Variants in PHTF2 observed in about 807,000 individuals in gnomAD.
PHTF2 encodes putative homeodomain transcription factor 2.
In PHTF2, 60 loss-of-function variants were observed where a neutral mutation model predicts 101.2. The observed-to-expected ratio is 0.59, with a 90% CI of 0.48 to 0.73. The LOEUF (loss-of-function observed/expected upper bound fraction) is 0.73. Ranked by LOEUF, PHTF2 falls within the 30% of genes least tolerant of loss-of-function variation. PHTF2 has a pLI of 0.00. For missense variants in PHTF2, 747 were observed against 908.7 expected, an observed-to-expected ratio of 0.82 and a Z score of 2.29; for synonymous variants, 311 against 307.3, an observed-to-expected ratio of 1.01 and a Z score of -0.13.
intron 1 of PHTF2, among the ~76,000 whole-genome samples, chr7:77,838,325 T>G (rs1393219820): frequency 6.6e-6 from 1 of 152,156 alleles, no homozygotes; most frequent in East Asian, 1.9e-4. Flanking sequence ...GACTGAGAAA[T>G]TAAGTGGAGG....
intron 16 of PHTF2, among the ~76,000 whole-genome samples, chr7:77,944,272 T>C (rs1241512296): frequency 6.6e-6 from 1 of 152,190 alleles, no homozygotes; most frequent in Non-Finnish European, 1.5e-5. Flanking sequence ...TTGACCTGTG[T>C]ACCTCCCTAC....
intron 3 of PHTF2, among the ~76,000 whole-genome samples, chr7:77,880,642 T>C (rs999546912): frequency 6.6e-6 from 1 of 152,054 alleles, no homozygotes; most frequent in African/African-American, 2.4e-5. Context: ...CCCGCTTGGA[T>C]TGATACCCCA....
chr7:77,851,638 A>G lies in PHTF2; in HGVS notation c.46-3095A>G, dbSNP rs1363717750. On this transcript the variant is annotated intron_variant, in intron 2 of 19. Coordinates refer to ENST00000416283, the Ensembl canonical transcript of PHTF2. ...TTTTGGAGACAGATCTCACTGTGTT[A>G]TGCAGGCTGGTCTTGAACTACTGAG... Among the ~76,000 whole-genome samples the G allele has an allele frequency of 4.4e-5, 6 of 136,492 alleles. No homozygotes were observed. The East Asian group carries it at 1.3e-3, about 29-fold the overall frequency. 89.5% of individuals were successfully genotyped at this position (136,492 alleles called of 152,430 possible).
chr7:77,902,415 A>G (rs1440232177), intron 7 of PHTF2, among the ~76,000 whole-genome samples: 2 of 152,162 alleles, frequency 1.3e-5, no homozygotes, highest in Admixed American at 1.3e-4. Flanking sequence ...GACTGTTACT[A>G]TGCTTCGCTT....
At chr7:77,824,072 A>C (rs974850051) in intron 1 of PHTF2, among the ~76,000 whole-genome samples, 7 of 152,148 alleles carry the variant, frequency 4.6e-5, no homozygotes, top group Admixed American at 4.6e-4. Context: ...GTTTGGAGGT[A>C]TGACAAATAC....
intron 1 of PHTF2, among the ~76,000 whole-genome samples, chr7:77,835,739 G>A (rs890159427): frequency 6.6e-6 from 1 of 151,976 alleles, no homozygotes; most frequent in African/African-American, 2.4e-5. Flanking sequence ...AACATAAACA[G>A]ATAACACATA....
chr7:77,933,630 A>G (rs1804810547), intron 12 of PHTF2, among the ~76,000 whole-genome samples: 1 of 152,034 alleles, frequency 6.6e-6, no homozygotes, highest in African/African-American at 2.4e-5. Context: ...GAGACTAACA[A>G]CTGGAGTTAA....
chr7:77,886,996 A>G (rs1471235983), intron 3 of PHTF2, among the ~76,000 whole-genome samples: 1 of 151,716 alleles, frequency 6.6e-6, no homozygotes, highest in Non-Finnish European at 1.5e-5. Flanking sequence ...CAGTGAGCCA[A>G]GATCATGCTA....
intron 1 of PHTF2, among the ~76,000 whole-genome samples, chr7:77,824,050 CA>C (rs1048479690): frequency 6.6e-6 from 1 of 152,042 alleles, no homozygotes; most frequent in African/African-American, 2.4e-5. Context: ...GGAGAGGGAT[CA>C]TATGAGAGAA....
intron 12 of PHTF2, among the ~76,000 whole-genome samples, chr7:77,935,694 CTG>C (rs1189468709): frequency 6.6e-6 from 1 of 152,170 alleles, no homozygotes; most frequent in Non-Finnish European, 1.5e-5. Context: ...TTTCCTATTT[CTG>C]TCTCTAGATG....
In PHTF2 at chr7:77,849,945, C is replaced by A. The variant is rs552079350; in HGVS notation, c.46-4788C>A. Among the ~76,000 whole-genome samples, 10 of 152,276 alleles carry A rather than the reference C, an allele frequency of 6.6e-5. No homozygotes were observed. The South Asian group carries it at 2.1e-3, about 32-fold the overall frequency. ...TTTTCCAAGTAAAAGATCATATCAT[C>A]TGTAAACAAGGATAATTGGACTTCT... On this transcript the variant is annotated intron_variant, in intron 2 of 19. Coordinates refer to ENST00000416283, the Ensembl canonical transcript of PHTF2.
chr7:77,945,725 A>C (rs1001742847), intron 16 of PHTF2, among the ~76,000 whole-genome samples: 8 of 152,296 alleles, frequency 5.3e-5, no homozygotes, highest in African/African-American at 1.7e-4. Flanking sequence ...AGTTGAAGGC[A>C]TCAGTGGCCA....
chr7:77,953,680 G>C (rs1195890095), intron 18 of PHTF2, 89 bp from the exon 18 acceptor site: 4 of 1,140,576 alleles, frequency 3.5e-6, no homozygotes, highest in Non-Finnish European at 3.6e-6. Flanking sequence ...TTTTTTGAAA[G>C]TGTTTTTTAA....
intron 1 of PHTF2, among the ~76,000 whole-genome samples, chr7:77,833,237 A>G (rs1037274163): frequency 2.0e-5 from 3 of 152,234 alleles, no homozygotes; most frequent in African/African-American, 7.2e-5. Context: ...TAGAAAGAGA[A>G]GTGTTAATTT....
At chr7:77,901,181 G>C (rs947535689) in intron 6 of PHTF2, among the ~76,000 whole-genome samples, 8 of 152,326 alleles carry the variant, frequency 5.3e-5, no homozygotes, top group Middle Eastern at 3.4e-3. Flanking sequence ...CTCCCATGAG[G>C]CCCTGCCTCC....
exon 9 of PHTF2, chr7:77,910,290 T>C (rs751355839): frequency 6.2e-7 from 1 of 1,613,388 alleles, no homozygotes; most frequent in Non-Finnish European, 8.5e-7. Context: ...GGGAAGGAGA[T>C]GGTTCTAGTA....
chr7:77,799,230 C>T (rs1452788583), intron 1 of PHTF2, among the ~76,000 whole-genome samples: 1 of 152,150 alleles, frequency 6.6e-6, no homozygotes, highest in Non-Finnish European at 1.5e-5. Context: ...CGAGCTCGCG[C>T]GGTCCTCAAG....
intron 1 of PHTF2, among the ~76,000 whole-genome samples, chr7:77,836,119 CAA>C (rs1210225270): frequency 1.1e-4 from 7 of 64,474 alleles, no homozygotes; most frequent in Non-Finnish European, 6.4e-5. Context: ...AACTCCATCT[CAA>C]AAAAAAAAAA....
intron 7 of PHTF2, among the ~76,000 whole-genome samples, chr7:77,905,441 A>G (rs183666109): frequency 2.4e-3 from 364 of 152,118 alleles, no homozygotes; most frequent in Non-Finnish European, 4.1e-3. Context: ...TATGTTGCCC[A>G]GGCTGGTCTT....
Sources: gnomAD v4.1 joint callset for allele counts (sites outside exome capture counted in the v4.1 genomes callset) on GRCh38, gnomAD v4.1.1 for gene constraint, MANE v1.5 for transcripts, NCBI Gene and HGNC (gene_info 2026-07-23, HGNC 2026-07-21) for gene names.